Variants in RNF121 observed in about 807,000 individuals in gnomAD.
RNF121 encodes the protein E3 ubiquitin ligase RNF121.
A neutral mutation model predicts 46.5 loss-of-function variants in RNF121; 21 were observed. The observed-to-expected ratio is 0.45, with a 90% CI of 0.32 to 0.65. The LOEUF is 0.65. RNF121 is among the 30% of genes least tolerant of loss of function. The pLI is 0.04. For synonymous variants in RNF121, 139 were observed against 144.7 expected (o/e 0.96, Z 0.28); for missense variants, 346 against 416.0 (o/e 0.83, Z 1.46).
chr11:71,965,486 T>G (rs1436215693), intron 3 of RNF121, among the ~76,000 whole-genome samples: 1 of 152,142 alleles, frequency 6.6e-6, no homozygotes, highest in Non-Finnish European at 1.5e-5. Flanking sequence ...GCTGAAGTGA[T>G]CCATCCACCT....
Position 71,996,390 on chromosome 11 carries a change from A to G in RNF121, c.*75A>G. 5 of 1,557,014 alleles carry G rather than the reference A, an allele frequency of 3.2e-6. No homozygotes were observed. Among genetic ancestry groups the G allele is most frequent in the Non-Finnish European group, 3.5e-6 (4 of 1,146,054 alleles). On this transcript the variant is annotated 3_prime_UTR_variant, in exon 9 of 9. Coordinates refer to ENST00000361756, the MANE Select transcript of RNF121 (RefSeq NM_018320.5). ...GGCACTCTCCTCCCTGCCCACAAAG[A>G]CCTCCTGGGTGGGAAAGACTCAAAG...
chr11:71,930,553 G>A (rs79733620), intron 1 of RNF121, among the ~76,000 whole-genome samples: 4,904 of 152,184 alleles, frequency 0.032, 76 homozygotes, highest in East Asian at 0.078. Context: ...GAGACTACAG[G>A]TGTTTGGATA....
intron 3 of RNF121, among the ~76,000 whole-genome samples, chr11:71,966,280 A>G (rs1954274534): frequency 1.3e-5 from 2 of 152,172 alleles, no homozygotes. Context: ...TGGCCTCCCA[A>G]AATGCTGGGA....
Position 71,944,362 on chromosome 11 carries a change from A to G in RNF121, c.64-12865A>G, listed in dbSNP as rs116765276. On this transcript the variant is annotated intron_variant, in intron 1 of 8. Coordinates refer to ENST00000361756, the MANE Select transcript of RNF121 (RefSeq NM_018320.5). ...AAAAAGAGGAACTTAGGTGAATGAC[A>G]TGGATCAGATGTGCATTATAGAAAG... 3.9e-3 allele frequency among the ~76,000 whole-genome samples: 599 copies of G among 152,288 alleles called. 5 individuals are homozygous for G. The highest frequency in any genetic ancestry group is 0.013 in the African/African-American group (560 of 41,574).
Position 71,990,698 on chromosome 11 carries a change from A to G in RNF121, c.608A>G (p.Tyr203Cys), listed in dbSNP as rs952308751. The change falls in exon 6 of 9, where the codon TAC becomes TGC. Residue 203 changes from tyrosine to cysteine, a missense_variant. Transcript: ENST00000361756. ...GACTTTGCAGAAATGTGTGCAGACT[A>G]CATGGCATCTACCATAGGGGTAAGT... ...ERDFAEMCADYMASTIGFYSE... is the reference protein window; with the variant it reads ...ERDFAEMCADCMASTIGFYSE... 4.3e-6 allele frequency: 7 copies of G among 1,614,100 alleles called. No individual in the cohort carries two copies. The African/African-American group carries it at 8.0e-5, about 18-fold the overall frequency.
At chr11:71,939,841 A>G (rs1953522863) in intron 1 of RNF121, among the ~76,000 whole-genome samples, 1 of 152,218 alleles carries the variant, frequency 6.6e-6, no homozygotes, top group South Asian at 2.1e-4. Context: ...GAATTAATAA[A>G]TGGACAAAGA....
intron 3 of RNF121, among the ~76,000 whole-genome samples, chr11:71,975,029 A>C (rs1954500652): frequency 6.6e-6 from 1 of 152,186 alleles, no homozygotes; most frequent in Non-Finnish European, 1.5e-5. Flanking sequence ...TTCTCCAGGG[A>C]GAAGCTTTCA....
At chr11:71,986,959 C>T (rs375681453) in intron 4 of RNF121, 45 bp from the exon 5 acceptor site, 6 of 1,129,436 alleles carry the variant, frequency 5.3e-6, no homozygotes, top group Non-Finnish European at 8.1e-6. Flanking sequence ...CCATTAAGGC[C>T]AGAATCTCTG....
chr11:71,985,041 T>A (rs1287914817), intron 4 of RNF121, among the ~76,000 whole-genome samples: 1 of 151,904 alleles, frequency 6.6e-6, no homozygotes, highest in Admixed American at 6.6e-5. Flanking sequence ...CCCATCTCAG[T>A]CTCTGTAGTA....
At chr11:71,965,909 C>T (rs1954265889) in intron 3 of RNF121, among the ~76,000 whole-genome samples, 1 of 152,112 alleles carries the variant, frequency 6.6e-6, no homozygotes, top group South Asian at 2.1e-4. Flanking sequence ...GTGAAAATAC[C>T]TGATTTTATT....
intron 3 of RNF121, among the ~76,000 whole-genome samples, chr11:71,971,398 A>G (rs1311133341): frequency 6.6e-6 from 1 of 152,216 alleles, no homozygotes; most frequent in Non-Finnish European, 1.5e-5. Context: ...AAATAAGTAA[A>G]TGAACTTTTT....
At chr11:71,929,877 T>C (rs530839362) in intron 1 of RNF121, among the ~76,000 whole-genome samples, 38 of 152,324 alleles carry the variant, frequency 2.5e-4, no homozygotes, top group African/African-American at 8.7e-4. Flanking sequence ...CTGAGAAGTG[T>C]GCAACATTTC....
chr11:71,989,870 GT>G (rs1954834077), intron 5 of RNF121, among the ~76,000 whole-genome samples: 1 of 152,042 alleles, frequency 6.6e-6, no homozygotes, highest in Non-Finnish European at 1.5e-5. Context: ...TCTTAAACCT[GT>G]GTTTGACAAG....
At position 71,967,349 on chromosome 11, in the gene RNF121, G is replaced by GTTTTTTTTTTTTTTTTT. The variant is rs770121817; in HGVS notation, c.243+6460_243+6476dup. Among the ~76,000 whole-genome samples, 3 of 100,522 alleles carry GTTTTTTTTTTTTTTTTT rather than the reference G, an allele frequency of 3.0e-5. 1 individual carries two copies. The highest frequency in any genetic ancestry group is 5.3e-5 in the Non-Finnish European group (3 of 56,444). 65.9% of individuals were successfully genotyped at this position (100,522 alleles called of 152,430 possible). On this transcript the variant is annotated intron_variant, in intron 3 of 8. Transcript: ENST00000361756. ...GGTAATAATTATGTGGGTTTTTTTT[G>GTTTTTTTTTTTTTTTTT]TTTTTTTTTTTTTTTTTTGAGACGG...
intron 3 of RNF121, among the ~76,000 whole-genome samples, chr11:71,974,575 G>C (rs1238135501): frequency 6.6e-6 from 1 of 152,196 alleles, no homozygotes; most frequent in African/African-American, 2.4e-5. Flanking sequence ...TTAAATTGGA[G>C]AGTTGGACCT....
chr11:71,955,839 T>C (rs759903386), intron 1 of RNF121, among the ~76,000 whole-genome samples: 56 of 152,186 alleles, frequency 3.7e-4, no homozygotes, highest in Non-Finnish European at 5.7e-4. Context: ...CTGACCTCTA[T>C]CCTTCTGGGA....
At position 71,948,513 on chromosome 11, in the gene RNF121, C is replaced by CAAA. The variant is rs55762433; in HGVS notation, c.64-8690_64-8688dup. 9.1e-4 allele frequency among the ~76,000 whole-genome samples: 32 copies of CAAA among 35,358 alleles called. 2 individuals carry two copies. The highest frequency in any genetic ancestry group is 3.8e-3 in the South Asian group (2 of 532). 23.2% of individuals were successfully genotyped at this position (35,358 alleles called of 152,430 possible). On this transcript the variant is annotated intron_variant, in intron 1 of 8. Coordinates refer to ENST00000361756, the MANE Select transcript of RNF121 (RefSeq NM_018320.5). ...CTGGGCAACAGAGTGAAACTGTCTC[C>CAAA]AAAAAAAAAAAAAAAAAAAAAAAAA... is the stretch of plus-strand genomic sequence containing the variant.
intron 4 of RNF121, among the ~76,000 whole-genome samples, chr11:71,985,499 C>T (rs769670625): frequency 3.3e-5 from 5 of 152,044 alleles, no homozygotes; most frequent in Non-Finnish European, 7.4e-5. Context: ...CAGTGCAATC[C>T]CTGGAGAATA....
chr11:71,978,828 G>A (rs772569770), intron 3 of RNF121, among the ~76,000 whole-genome samples: 6 of 152,196 alleles, frequency 3.9e-5, no homozygotes, highest in African/African-American at 7.2e-5. Context: ...GAGAACTGAA[G>A]CTTTTCAGAG....
Sources: gnomAD v4.1 joint callset for allele counts (sites outside exome capture counted in the v4.1 genomes callset) on GRCh38, gnomAD v4.1.1 for gene constraint, MANE v1.5 for transcripts, NCBI Gene and HGNC (gene_info 2026-07-23, HGNC 2026-07-21) for gene names.